The following AZI2 variants were observed in gnomAD, a reference collection of about 807,000 sequenced individuals.
The protein encoded by AZI2 is 5-azacytidine-induced protein 2.
In AZI2, 22 loss-of-function variants were observed where a neutral mutation model predicts 45.8. The ratio of observed to expected loss-of-function variants is 0.48; its 90% confidence interval spans 0.34 to 0.69. AZI2 has a LOEUF of 0.69. AZI2 is among the 30% of genes least tolerant of loss of function. The pLI is 0.01. For missense variants in AZI2, 417 were observed against 441.5 expected (o/e 0.94, Z 0.50); for synonymous variants, 137 against 156.7 (o/e 0.87, Z 0.94).
At chr3:28,344,186 TTG>T (rs968019591) in intron 1 of AZI2, among the ~76,000 whole-genome samples, 7 of 152,066 alleles carry the variant, frequency 4.6e-5, no homozygotes, top group African/African-American at 1.7e-4. Context: ...TCAACTTTTA[TTG>T]TTTTAAAATA....
intron 1 of AZI2, among the ~76,000 whole-genome samples, chr3:28,346,792 T>C (rs1704250376): frequency 6.6e-6 from 1 of 152,212 alleles, no homozygotes; most frequent in Non-Finnish European, 1.5e-5. Flanking sequence ...AACTAGTTTA[T>C]AAAGAAGGGT....
At chr3:28,342,409 A>G (rs1158559952) in intron 1 of AZI2, among the ~76,000 whole-genome samples, 1 of 152,040 alleles carries the variant, frequency 6.6e-6, no homozygotes, top group Non-Finnish European at 1.5e-5. Flanking sequence ...ACAAGAATAG[A>G]CTATGCTATC....
At position 28,324,099 on chromosome 3, in the gene AZI2, G is replaced by C. The variant is rs1187668286; in HGVS notation, c.1122C>G (p.Asn374Lys). 6.2e-7 allele frequency: 1 copy of C among 1,610,154 alleles called. No homozygotes were observed. Among genetic ancestry groups the C allele is most frequent in the South Asian group, 1.1e-5 (1 of 90,940 alleles). Residue 374 changes from asparagine to lysine, a missense_variant, in exon 8 of 8, where the codon AAC becomes AAG. Coordinates refer to ENST00000479665, the MANE Select transcript of AZI2 (RefSeq NM_022461.5). ...GATCCAAGTAATGCAGTGGTGGAAGGTTGGGTAAAGGCAAAGTTTTAGTTT... is the reference window on the plus strand; with the variant it reads ...GATCCAAGTAATGCAGTGGTGGAAGCTTGGGTAAAGGCAAAGTTTTAGTTT... ...ETKTKTLPLPNLPPLHYLDQH... is the reference protein window; with the variant it reads ...ETKTKTLPLPKLPPLHYLDQH...
rs1374125354 is a variant in AZI2, at chr3:28,321,652, C to G, written c.*2390G>C. 2 of 151,298 alleles carry G rather than the reference C, an allele frequency of 1.3e-5. No homozygotes were observed. 9.4% of individuals were successfully genotyped at this position (151,298 alleles called of 1,614,324 possible). A position where few individuals can be genotyped will look rare whatever the true frequency, so the allele number is the denominator to read the frequency against. ...TTAAGATACACCTTCTCCAAGTAGCCTTTCTGAATTAAGATCAGTACTTTG... is the reference window on the plus strand; with the variant it reads ...TTAAGATACACCTTCTCCAAGTAGCGTTTCTGAATTAAGATCAGTACTTTG... On this transcript the variant is annotated 3_prime_UTR_variant, in exon 8 of 8. Coordinates refer to ENST00000479665, the MANE Select transcript of AZI2 (RefSeq NM_022461.5).
Position 28,334,798 on chromosome 3 carries a change from A to G in AZI2, c.588+1939T>C, listed in dbSNP as rs532117540. On this transcript the variant is annotated intron_variant, in intron 5 of 7. Transcript: ENST00000479665. Reference sequence around the variant, plus strand: ...ATTTCAATACACATAAATACCTAAAAGTACTGCCCTTCTGGATTACTCTAA... The same window carrying G: ...ATTTCAATACACATAAATACCTAAAGGTACTGCCCTTCTGGATTACTCTAA... Among the ~76,000 whole-genome samples the G allele has an allele frequency of 2.5e-4, 38 of 152,140 alleles. 1 individual carries two copies. Among genetic ancestry groups the G allele is most frequent in the Middle Eastern group, 3.4e-3 (1 of 294 alleles).
In AZI2 at chr3:28,343,225, A is replaced by G. The variant is rs144103526; in HGVS notation, c.-5-2603T>C. On this transcript the variant is annotated intron_variant, in intron 1 of 7. Coordinates refer to ENST00000479665, the MANE Select transcript of AZI2 (RefSeq NM_022461.5). ...AAAAGTGGTTTTCAAAGAAGATACC[A>G]CAAAAGAGCAAATGTCTCTTAAGAC... 2.5e-3 allele frequency among the ~76,000 whole-genome samples: 382 copies of G among 152,168 alleles called. 1 individual carries two copies. Among genetic ancestry groups the G allele is most frequent in the African/African-American group, 8.4e-3 (348 of 41,552 alleles).
At chr3:28,345,244 C>G (rs1177324912) in intron 1 of AZI2, among the ~76,000 whole-genome samples, 1 of 152,148 alleles carries the variant, frequency 6.6e-6, no homozygotes, top group African/African-American at 2.4e-5. Flanking sequence ...AGAACAAAGC[C>G]AAGCAGTTAC....
chr3:28,324,373 G>A lies in AZI2; in HGVS notation c.848C>T (p.Thr283Ile). ...LHLMNFTATY[T>I]RHPPLLPNGK... is the part of the protein sequence containing the mutation. ...ATTTGGTAAGAGAGGGGGATGTCTT[G>A]TGTATGTTGCAGTAAAATTCATCAA... The change falls in exon 8 of 8, where the codon ACA becomes ATA. Residue 283 changes from threonine to isoleucine, a missense_variant. Coordinates refer to ENST00000479665, the MANE Select transcript of AZI2 (RefSeq NM_022461.5). The A allele has an allele frequency of 6.3e-7, 1 of 1,580,102 alleles. No homozygotes were observed. The highest frequency in any genetic ancestry group is 8.6e-7 in the Non-Finnish European group (1 of 1,162,658).
chr3:28,330,664 A>T (rs542928037), intron 6 of AZI2, among the ~76,000 whole-genome samples: 2 of 151,454 alleles, frequency 1.3e-5, no homozygotes, highest in East Asian at 3.9e-4. Flanking sequence ...ATTTGGTTAT[A>T]AGTTTTCTAG....
chr3:28,326,968 A>T lies in AZI2; in HGVS notation c.648-18T>A. ...TATTATCACTGAAATAAATTTTTTT[A>T]CAAAAAGTTAATACTCATCATTCTT... On this transcript the variant is annotated intron_variant, in intron 6 of 7. Coordinates refer to ENST00000479665, the MANE Select transcript of AZI2 (RefSeq NM_022461.5). 6.4e-7 allele frequency: 1 copy of T among 1,550,742 alleles called. No individual in the cohort carries two copies. Among genetic ancestry groups the T allele is most frequent in the Non-Finnish European group, 8.9e-7 (1 of 1,128,184 alleles).
Position 28,337,926 on chromosome 3 carries a change from A to C in AZI2, c.439+11T>G. 1 of 1,462,278 alleles carries C rather than the reference A, an allele frequency of 6.8e-7. No individual in the cohort carries two copies. The highest frequency in any genetic ancestry group is 9.2e-7 in the Non-Finnish European group (1 of 1,082,124). The allele number at this position is 1,462,278 out of a possible 1,614,324, so 90.6% of individuals were successfully genotyped here. A position where few individuals can be genotyped will look rare whatever the true frequency, so the allele number is the denominator to read the frequency against. On this transcript the variant is annotated intron_variant, in intron 4 of 7. Coordinates refer to ENST00000479665, the MANE Select transcript of AZI2 (RefSeq NM_022461.5). The stretch of plus-strand genomic sequence containing the variant: ...TTCTGTTAGAATATTTATAACAAGT[A>C]ACTGGCATACCCTGCTGAGTTTCCA...
intron 5 of AZI2, among the ~76,000 whole-genome samples, chr3:28,332,882 T>C (rs1244048118): frequency 6.6e-6 from 1 of 151,836 alleles, no homozygotes; most frequent in Admixed American, 6.6e-5. Flanking sequence ...AGGTTACTGT[T>C]GTAAAACATC....
intron 1 of AZI2, among the ~76,000 whole-genome samples, chr3:28,342,463 C>G (rs1016091841): frequency 1.3e-5 from 2 of 151,992 alleles, no homozygotes; most frequent in Non-Finnish European, 2.9e-5. Context: ...ACCATAATTA[C>G]TCATGCTGCT....
At chr3:28,340,330 T>G (rs994749701) in intron 2 of AZI2, 72 bp downstream of exon 2, 2 of 1,031,448 alleles carry the variant, frequency 1.9e-6, no homozygotes, top group Non-Finnish European at 2.8e-6. Context: ...GGACAAAAAG[T>G]ATTCAAAATT....
intron 1 of AZI2, chr3:28,341,376 T>C (rs1704011287): frequency 6.6e-6 from 1 of 152,136 alleles, no homozygotes; most frequent in Non-Finnish European, 1.5e-5. Context: ...GCTTTGTCTG[T>C]TTTGCCCATC....
At position 28,324,017 on chromosome 3, in the gene AZI2, G is replaced by A. The variant is rs370545377; in HGVS notation, c.*25C>T. 43 of 1,573,504 alleles carry A rather than the reference G, an allele frequency of 2.7e-5. No homozygotes were observed. Among genetic ancestry groups the A allele is most frequent in the African/African-American group, 1.5e-4 (11 of 73,482 alleles). Reference sequence around the variant, plus strand: ...CACTGAAAGAGATAAGTGTCCTCATGGTGAAATCGTGAATCTCTTCCAAAT... The same window carrying A: ...CACTGAAAGAGATAAGTGTCCTCATAGTGAAATCGTGAATCTCTTCCAAAT... On this transcript the variant is annotated 3_prime_UTR_variant, in exon 8 of 8. Transcript: ENST00000479665.
intron 4 of AZI2, chr3:28,337,095 T>G (rs1345840633): frequency 1.9e-6 from 1 of 516,992 alleles, no homozygotes; most frequent in Non-Finnish European, 3.3e-6. Flanking sequence ...TTTTAGAATT[T>G]CTAAAGACAA....
rs1703268831 is a variant in AZI2 at position 28,323,768 on chromosome 3, G to T, written c.*274C>A. ...GAGGCAAAATTTTACAATTAATATA[G>T]AAGGCAGAGTTTTTTAAACACCTTA... On this transcript the variant is annotated 3_prime_UTR_variant, in exon 8 of 8. Transcript: ENST00000479665. 2 of 249,612 alleles carry T rather than the reference G, an allele frequency of 8.0e-6. No individual in the cohort carries two copies. Among genetic ancestry groups the T allele is most frequent in the South Asian group, 1.6e-4 (1 of 6,264 alleles). The allele number at this position is 249,612 out of a possible 1,614,324, so 15.5% of individuals were successfully genotyped here.
intron 5 of AZI2, among the ~76,000 whole-genome samples, chr3:28,334,071 T>C (rs1353654533): frequency 1.3e-5 from 2 of 151,444 alleles, no homozygotes; most frequent in African/African-American, 4.8e-5. Flanking sequence ...AAAAGGCCCA[T>C]AGTGGAACTG....
Sources: gnomAD v4.1 joint callset for allele counts (sites outside exome capture counted in the v4.1 genomes callset) on GRCh38, gnomAD v4.1.1 for gene constraint, MANE v1.5 for transcripts, NCBI Gene and HGNC (gene_info 2026-07-23, HGNC 2026-07-21) for gene names.